The following APBA2 variants were observed in gnomAD, a reference collection of about 807,000 sequenced individuals.
The protein encoded by APBA2 is amyloid-beta A4 precursor protein-binding family A member 2.
A neutral mutation model predicts 75.0 loss-of-function variants in APBA2; 30 were observed. The observed-to-expected ratio is 0.40, with a 90% CI of 0.30 to 0.54. The LOEUF is 0.54. APBA2 is among the 20% of genes least tolerant of loss of function. APBA2 has a pLI of 0.49. For missense variants in APBA2, 801 were observed against 1,016.1 expected, an observed-to-expected ratio of 0.79 and a Z score of 2.88; for synonymous variants, 444 against 409.6, an observed-to-expected ratio of 1.08 and a Z score of -1.01.
chr15:29,008,695 C>T (rs1340399889), intron 3 of APBA2, among the ~76,000 whole-genome samples: 1 of 152,038 alleles, frequency 6.6e-6, no homozygotes, highest in Non-Finnish European at 1.5e-5. Context: ...GGTAACAGAG[C>T]GAGATCCCAT....
chr15:28,978,561 T>C (rs972625264), intron 2 of APBA2, among the ~76,000 whole-genome samples: 7 of 152,234 alleles, frequency 4.6e-5, no homozygotes, highest in Non-Finnish European at 8.8e-5. Flanking sequence ...CCAGGAGCCT[T>C]GATGGTGAAT....
At chr15:28,894,250 T>C (rs1355589073) in intron 1 of APBA2, among the ~76,000 whole-genome samples, 3 of 152,164 alleles carry the variant, frequency 2.0e-5, no homozygotes, top group Admixed American at 6.5e-5. Context: ...TGGAGCTCTG[T>C]CCATCCATCC....
At position 29,053,926 on chromosome 15, in the gene APBA2, G is replaced by T. The variant is rs764052686; in HGVS notation, c.42G>T (p.Leu14Phe). 3.1e-6 allele frequency: 5 copies of T among 1,613,684 alleles called. No homozygotes were observed. In the South Asian group the frequency reaches 5.5e-5, roughly 18 times the overall value. ...RKLESVGSGM[L>F]DHRVRPGPVP... is the part of the protein sequence containing the mutation. ...TTGAGAGCGTGGGGAGCGGCATGTT[G>T]GACCATAGGGTGAGACCAGGTCCTG... Residue 14 changes from leucine to phenylalanine, a missense_variant, in exon 4 of 15, where the codon TTG becomes TTT. By Grantham distance (22) the Leu-to-Phe change is conservative. Transcript: ENST00000683413.
At position 29,045,069 on chromosome 15, in the gene APBA2, T is replaced by TTCTCTC. The variant is rs1555399868; in HGVS notation, c.-40-8747_-40-8742dup. ...CCTTCCTCTCTCCCTCCCTCCCTCC[T>TTCTCTC]TCTCTCTCTCTCTCTCTCTCTCTCT... On this transcript the variant is annotated intron_variant, in intron 3 of 14. Transcript: ENST00000683413. 2.2e-3 allele frequency among the ~76,000 whole-genome samples: 181 copies of TTCTCTC among 82,882 alleles called. 3 individuals carry two copies. The East Asian group carries it at 0.035, about 16-fold the overall frequency. 54.4% of individuals were successfully genotyped at this position (82,882 alleles called of 152,430 possible).
intron 1 of APBA2, among the ~76,000 whole-genome samples, chr15:28,917,376 G>T (rs1427305544): frequency 6.6e-6 from 1 of 152,140 alleles, no homozygotes; most frequent in Non-Finnish European, 1.5e-5. Context: ...CCTAGGGTCC[G>T]GCTTGCACTG....
intron 3 of APBA2, among the ~76,000 whole-genome samples, chr15:29,023,201 C>G (rs1485663327): frequency 6.6e-6 from 1 of 152,094 alleles, no homozygotes; most frequent in Non-Finnish European, 1.5e-5. Flanking sequence ...TGTGTTTGTA[C>G]TTCTAGGTAG....
intron 3 of APBA2, among the ~76,000 whole-genome samples, chr15:28,998,230 T>G (rs988998346): frequency 2.0e-5 from 3 of 150,960 alleles, no homozygotes; most frequent in Admixed American, 6.6e-5. Context: ...AATTAAATTC[T>G]AGGCCTCACT....
At chr15:29,066,452 CACAAAAGGA>C (rs1779153714) in intron 4 of APBA2, among the ~76,000 whole-genome samples, 1 of 152,174 alleles carries the variant, frequency 6.6e-6, no homozygotes, top group Admixed American at 6.5e-5. Flanking sequence ...ATGAGCCAGT[CACAAAAGGA>C]CAAGTACTGT....
chr15:28,911,317 G>T (rs1427361299), intron 1 of APBA2, among the ~76,000 whole-genome samples: 6 of 152,162 alleles, frequency 3.9e-5, no homozygotes, highest in African/African-American at 1.2e-4. Context: ...GTTAGGTCTT[G>T]TTGGGAAGAA....
chr15:29,081,039 A>G (rs995185645), intron 6 of APBA2, among the ~76,000 whole-genome samples: 2 of 152,030 alleles, frequency 1.3e-5, no homozygotes, highest in African/African-American at 4.8e-5. Context: ...ATCATGTGGA[A>G]GGCATGGAGA....
intron 1 of APBA2, among the ~76,000 whole-genome samples, chr15:28,920,368 C>G (rs2033910947): frequency 6.6e-6 from 1 of 152,216 alleles, no homozygotes; most frequent in African/African-American, 2.4e-5. Flanking sequence ...TGGGCAGGGT[C>G]TAGGCCCAGG....
chr15:28,992,782 G>A (rs2038303671), intron 2 of APBA2, among the ~76,000 whole-genome samples: 1 of 152,158 alleles, frequency 6.6e-6, no homozygotes, highest in Admixed American at 6.5e-5. Flanking sequence ...TGGGCTGCAG[G>A]GCTGCAGAAT....
intron 1 of APBA2, among the ~76,000 whole-genome samples, chr15:28,890,193 G>A (rs2032038074): frequency 6.6e-6 from 1 of 152,252 alleles, no homozygotes; most frequent in Non-Finnish European, 1.5e-5. Flanking sequence ...TCAGGAAAGA[G>A]CTGTAGAATT....
chr15:28,911,724 C>T (rs2033437915), intron 1 of APBA2, among the ~76,000 whole-genome samples: 1 of 152,194 alleles, frequency 6.6e-6, no homozygotes, highest in South Asian at 2.1e-4. Flanking sequence ...AGGACAGTCC[C>T]CCCTTGGCTG....
rs144958067 is a variant in APBA2 at position 28,895,359 on chromosome 15, T to A, written c.-205+9081T>A. On this transcript the variant is annotated intron_variant, in intron 1 of 14. Transcript: ENST00000683413. Reference sequence around the variant, plus strand: ...CTGGTCCTGCGTCAGGAGAGGGGACTGCACAGGGCTTGGGAAAGAGAGCGG... The same window carrying A: ...CTGGTCCTGCGTCAGGAGAGGGGACAGCACAGGGCTTGGGAAAGAGAGCGG... Among the ~76,000 whole-genome samples, 1,087 of 152,180 alleles carry A rather than the reference T, an allele frequency of 7.1e-3. 10 individuals are homozygous for A. Among genetic ancestry groups the A allele is most frequent in the African/African-American group, 0.024 (1,001 of 41,528 alleles).
In APBA2 at chr15:28,997,424, G is replaced by A. The variant is rs777840160; in HGVS notation, c.-41+1618G>A. Among the ~76,000 whole-genome samples, 93 of 152,270 alleles carry A rather than the reference G, an allele frequency of 6.1e-4. 2 individuals carry two copies. The highest frequency in any genetic ancestry group is 3.1e-4 in the Non-Finnish European group (21 of 68,016). On this transcript the variant is annotated intron_variant, in intron 3 of 14. Transcript: ENST00000683413. ...TGCTCTATTTAACTTTCTACTTAGGGTTGTAAACATACTTCAGCCGTAATG... is the reference window on the plus strand; with the variant it reads ...TGCTCTATTTAACTTTCTACTTAGGATTGTAAACATACTTCAGCCGTAATG...
intron 1 of APBA2, among the ~76,000 whole-genome samples, chr15:28,919,681 G>T (rs926985287): frequency 1.3e-5 from 2 of 152,176 alleles, no homozygotes; most frequent in Admixed American, 6.5e-5. Context: ...TGAGCATCCT[G>T]CAGCTGTCTT....
chr15:28,927,339 GTTTTTT>G (rs146258912), intron 2 of APBA2, among the ~76,000 whole-genome samples: 5 of 140,818 alleles, frequency 3.6e-5, no homozygotes, highest in East Asian at 4.3e-4. Flanking sequence ...TTTGCTTTTT[GTTTTTT>G]TTTTGTTTTG....
At chr15:29,088,893 G>T (rs995588820) in intron 6 of APBA2, among the ~76,000 whole-genome samples, 1 of 152,162 alleles carries the variant, frequency 6.6e-6, no homozygotes, top group Non-Finnish European at 1.5e-5. Flanking sequence ...ATCTTCTAAG[G>T]TGTCATTGTC....
Sources: allele counts gnomAD v4.1 joint callset (sites outside exome capture counted in the v4.1 genomes callset), GRCh38; gene constraint gnomAD v4.1.1; transcripts MANE v1.5; gene names NCBI Gene and HGNC (gene_info 2026-07-23, HGNC 2026-07-21).